PPARGC1A: variants seen among roughly 807,000 people sequenced by gnomAD.
PPARGC1A encodes PPARG coactivator 1 alpha, also known as peroxisome proliferator-activated receptor gamma coactivator 1-alpha.
A neutral mutation model predicts 88.7 loss-of-function variants in PPARGC1A; 25 were observed. The observed-to-expected ratio is 0.28, with a 90% CI of 0.21 to 0.39. The LOEUF (loss-of-function observed/expected upper bound fraction) is 0.39. Ranked by LOEUF, PPARGC1A falls within the 10% of genes least tolerant of loss-of-function variation. The pLI is 1.00. For missense variants in PPARGC1A, 880 were observed against 968.7 expected (o/e 0.91, Z 1.22); for synonymous variants, 363 against 355.6 (o/e 1.02, Z -0.24).
the PPARGC1A span, among the ~76,000 whole-genome samples, chr4:24,420,636 C>T: frequency 6.6e-6 from 1 of 152,162 alleles, no homozygotes; most frequent in Admixed American, 6.5e-5. Context: ...CTGCTGAGAT[C>T]CACCCTAGAC....
At chr4:24,453,746 C>T in the PPARGC1A span, among the ~76,000 whole-genome samples, 1 of 152,188 alleles carries the variant, frequency 6.6e-6, no homozygotes, top group East Asian at 1.9e-4. Context: ...TGCCATTGCA[C>T]TCCAGCCTGG....
intron 10 of PPARGC1A, among the ~76,000 whole-genome samples, chr4:23,803,485 T>A (rs930493528): frequency 6.7e-6 from 1 of 149,884 alleles, no homozygotes; most frequent in Non-Finnish European, 1.5e-5. Context: ...CTGAAAGTCA[T>A]CAGTAATTTA....
the PPARGC1A span, among the ~76,000 whole-genome samples, chr4:23,996,851 G>C: frequency 6.6e-6 from 1 of 152,204 alleles, no homozygotes. Flanking sequence ...CGGTGGCCAA[G>C]CGGATTTGAC....
chr4:24,370,663 C>G, the PPARGC1A span, among the ~76,000 whole-genome samples: 1 of 148,116 alleles, frequency 6.8e-6, no homozygotes, highest in South Asian at 2.2e-4. Context: ...GACTCCTAAA[C>G]AGATCAGCCA....
At chr4:24,187,272 C>A in the PPARGC1A span, among the ~76,000 whole-genome samples, 1 of 152,186 alleles carries the variant, frequency 6.6e-6, no homozygotes, top group African/African-American at 2.4e-5. Flanking sequence ...TAGATCATCT[C>A]ATTTATTTAT....
chr4:24,433,872 G>A, the PPARGC1A span, among the ~76,000 whole-genome samples: 1 of 152,126 alleles, frequency 6.6e-6, no homozygotes, highest in African/African-American at 2.4e-5. Flanking sequence ...AGGGCCCCAG[G>A]ACCAGATGGT....
the PPARGC1A span, among the ~76,000 whole-genome samples, chr4:24,255,319 A>G: frequency 2.6e-5 from 4 of 152,330 alleles, no homozygotes; most frequent in East Asian, 5.8e-4. Flanking sequence ...TATTTGCCTC[A>G]GTTACTTTGG....
At chr4:24,438,715 C>G in the PPARGC1A span, among the ~76,000 whole-genome samples, 1 of 152,008 alleles carries the variant, frequency 6.6e-6, no homozygotes, top group African/African-American at 2.4e-5. Flanking sequence ...TTACAGAATG[C>G]CTTTGAGCAG....
chr4:24,236,951 G>A, the PPARGC1A span, among the ~76,000 whole-genome samples: 4 of 152,144 alleles, frequency 2.6e-5, no homozygotes, highest in African/African-American at 7.2e-5. Context: ...ACAGTCTTTG[G>A]CCCTTTTATA....
chr4:24,270,325 C>CTG, the PPARGC1A span, among the ~76,000 whole-genome samples: 2 of 67,354 alleles, frequency 3.0e-5, no homozygotes, highest in African/African-American at 5.8e-5. Flanking sequence ...CTCTCTCTCT[C>CTG]TCTCTCTCTG....
the PPARGC1A span, among the ~76,000 whole-genome samples, chr4:24,028,895 C>T: frequency 2.8e-4 from 43 of 152,106 alleles, no homozygotes; most frequent in African/African-American, 1.0e-3. Context: ...ATTTTCTGTG[C>T]CATTTTTACT....
the PPARGC1A span, among the ~76,000 whole-genome samples, chr4:24,220,198 G>T: frequency 1.3e-5 from 2 of 152,174 alleles, no homozygotes; most frequent in Non-Finnish European, 2.9e-5. Flanking sequence ...AGTCAGAATG[G>T]CTATTATCAA....
At chr4:23,832,883 T>C (rs925344263) in intron 2 of PPARGC1A, among the ~76,000 whole-genome samples, 1 of 140,986 alleles carries the variant, frequency 7.1e-6, no homozygotes, top group Non-Finnish European at 1.6e-5. Context: ...GTGCTGGGAT[T>C]ACCGGCGTGA....
At chr4:24,233,360 T>C in the PPARGC1A span, among the ~76,000 whole-genome samples, 1 of 150,184 alleles carries the variant, frequency 6.7e-6, no homozygotes, top group East Asian at 1.9e-4. Flanking sequence ...TCTCTGTCTT[T>C]CTCTCTCTCT....
chr4:24,387,830 AAGAG>A, the PPARGC1A span, among the ~76,000 whole-genome samples: 12 of 96,610 alleles, frequency 1.2e-4, no homozygotes, highest in African/African-American at 3.0e-4. Flanking sequence ...GAAAGAGAGA[AAGAG>A]AGAAAGAGAG....
chr4:24,268,802 C>A, the PPARGC1A span, among the ~76,000 whole-genome samples: 28 of 152,180 alleles, frequency 1.8e-4, no homozygotes, highest in African/African-American at 6.7e-4. Context: ...GATGTATTAA[C>A]AAAATTAAAA....
At chr4:24,235,806 T>C in the PPARGC1A span, among the ~76,000 whole-genome samples, 1 of 152,098 alleles carries the variant, frequency 6.6e-6, no homozygotes, top group Non-Finnish European at 1.5e-5. Context: ...GGTAGACTCA[T>C]CCACAGCTGA....
the PPARGC1A span, among the ~76,000 whole-genome samples, chr4:24,013,106 G>A: frequency 2.6e-5 from 4 of 152,190 alleles, no homozygotes; most frequent in East Asian, 3.9e-4. Context: ...CACCTACTAC[G>A]GGCAAAATGG....
chr4:23,902,472 T>G (rs776258755), upstream of PPARGC1A, among the ~76,000 whole-genome samples: 1 of 152,176 alleles, frequency 6.6e-6, no homozygotes, highest in Non-Finnish European at 1.5e-5. Flanking sequence ...GCAATCATTC[T>G]CCCTATAAAA....
Sources: gnomAD v4.1 joint callset for allele counts (sites outside exome capture counted in the v4.1 genomes callset) on GRCh38, gnomAD v4.1.1 for gene constraint, MANE v1.5 for transcripts, NCBI Gene and HGNC (gene_info 2026-07-23, HGNC 2026-07-21) for gene names.